The following NTM variants were observed in gnomAD, a reference collection of about 807,000 sequenced individuals.
NTM encodes the protein neurotrimin, also known as IgLON family member 2.
Under a neutral mutation model 42.1 loss-of-function variants are expected in NTM, and 13 were observed. That is an observed-to-expected ratio of 0.31 (90% CI 0.20 to 0.49). The LOEUF (loss-of-function observed/expected upper bound fraction) is 0.49. Ranked by LOEUF, NTM falls within the 20% of genes least tolerant of loss-of-function variation. The probability of loss-of-function intolerance (pLI) is 0.99; values close to 1 mark genes in which losing one functional copy is unlikely to be tolerated. For synonymous variants in NTM, 187 were observed against 179.2 expected, an observed-to-expected ratio of 1.04 and a Z score of -0.35; for missense variants, 373 against 452.8, an observed-to-expected ratio of 0.82 and a Z score of 1.60.
intron 3 of NTM, among the ~76,000 whole-genome samples, chr11:132,202,520 A>G (rs1566459213): frequency 1.3e-5 from 2 of 152,192 alleles, no homozygotes; most frequent in Non-Finnish European, 1.5e-5. Flanking sequence ...GGTCCACATC[A>G]TGATCACTGA....
At chr11:131,394,438 G>T (rs943785955) in intron 1 of NTM, among the ~76,000 whole-genome samples, 1 of 152,150 alleles carries the variant, frequency 6.6e-6, no homozygotes, top group African/African-American at 2.4e-5. Flanking sequence ...AAGTCAGAGC[G>T]AGAAGGAGAG....
intron 3 of NTM, among the ~76,000 whole-genome samples, chr11:132,188,942 A>G (rs1360296852): frequency 6.6e-6 from 1 of 152,158 alleles, no homozygotes; most frequent in Admixed American, 6.5e-5. Flanking sequence ...ACATGAGTTT[A>G]TATCTGGAGT....
chr11:131,743,438 G>A (rs1211793750), intron 1 of NTM, among the ~76,000 whole-genome samples: 1 of 152,046 alleles, frequency 6.6e-6, no homozygotes, highest in East Asian at 1.9e-4. Flanking sequence ...GTTTCTGCAA[G>A]AATTATGAAA....
chr11:132,253,224 G>A (rs540649627), intron 4 of NTM, among the ~76,000 whole-genome samples: 1 of 152,228 alleles, frequency 6.6e-6, no homozygotes, highest in African/African-American at 2.4e-5. Context: ...TTTATTGAGG[G>A]CCTGTTAATC....
chr11:132,278,743 T>TTCTCTCTCTCTCTCTCTCTCTC (rs66748602), intron 4 of NTM, among the ~76,000 whole-genome samples: 9 of 138,074 alleles, frequency 6.5e-5, no homozygotes, highest in East Asian at 2.4e-4. Context: ...TCATTTGGGC[T>TTCTCTCTCTCTCTCTCTCTCTC]TCTCTCTCTC....
intron 1 of NTM, among the ~76,000 whole-genome samples, chr11:131,901,346 T>C (rs866372511): frequency 6.6e-6 from 1 of 152,242 alleles, no homozygotes; most frequent in African/African-American, 2.4e-5. Flanking sequence ...CTTACATGCA[T>C]ACTTTATTTT....
At chr11:131,412,997 C>A (rs1202216369) in intron 1 of NTM, among the ~76,000 whole-genome samples, 1 of 152,124 alleles carries the variant, frequency 6.6e-6, no homozygotes, top group Non-Finnish European at 1.5e-5. Flanking sequence ...ACCTTTAAGA[C>A]CCAGCAAGAC....
intron 1 of NTM, among the ~76,000 whole-genome samples, chr11:131,702,121 A>G (rs1311342390): frequency 2.6e-5 from 4 of 151,960 alleles, no homozygotes; most frequent in Admixed American, 2.6e-4. Flanking sequence ...TCTCTACTCA[A>G]CTTGGACATT....
intron 2 of NTM, among the ~76,000 whole-genome samples, chr11:132,141,265 C>G (rs372975135): frequency 1.1e-4 from 16 of 151,898 alleles, no homozygotes; most frequent in East Asian, 3.9e-4. Context: ...CTCTCTCCCC[C>G]CTACCCCTCT....
In NTM at chr11:131,442,178, T is replaced by C. The variant is rs563437755; in HGVS notation, c.82+71290T>C. Among the ~76,000 whole-genome samples the C allele has an allele frequency of 2.0e-5, 3 of 152,302 alleles. No individual in the cohort carries two copies. In the East Asian group the frequency reaches 5.8e-4, roughly 29 times the overall value. ...GTGCAGAAGCGGAGATGATGACATG[T>C]GGCATGGGAACCCGTGATTGTGGCA... On this transcript the variant is annotated intron_variant, in intron 1 of 8. Transcript: ENST00000683400.
intron 2 of NTM, among the ~76,000 whole-genome samples, chr11:131,936,867 A>C (rs2059279179): frequency 6.6e-6 from 1 of 152,186 alleles, no homozygotes; most frequent in Non-Finnish European, 1.5e-5. Flanking sequence ...TGTGCATCTC[A>C]TAACAACTCT....
At chr11:131,789,182 G>T (rs1002995547) in intron 1 of NTM, among the ~76,000 whole-genome samples, 7 of 151,686 alleles carry the variant, frequency 4.6e-5, no homozygotes, top group African/African-American at 7.3e-5. Context: ...CTGTGTTGCC[G>T]ATGATTCTAT....
chr11:131,389,896 G>C (rs984287970), intron 1 of NTM, among the ~76,000 whole-genome samples: 1 of 152,122 alleles, frequency 6.6e-6, no homozygotes, highest in Non-Finnish European at 1.5e-5. Context: ...AGGGAAGCCC[G>C]GGGAAAGGAG....
At chr11:132,264,281 T>C (rs546861509) in intron 4 of NTM, among the ~76,000 whole-genome samples, 1 of 152,362 alleles carries the variant, frequency 6.6e-6, no homozygotes, top group South Asian at 2.1e-4. Context: ...TTCATATATT[T>C]ATTGGATATT....
intron 3 of NTM, among the ~76,000 whole-genome samples, chr11:132,171,440 C>A (rs916546062): frequency 6.6e-6 from 1 of 152,154 alleles, no homozygotes; most frequent in Non-Finnish European, 1.5e-5. Context: ...ATGACGACAC[C>A]TTTTTGTTGT....
intron 6 of NTM, 38 bp from the exon 7 acceptor site, chr11:132,314,514 A>C: frequency 6.3e-7 from 1 of 1,587,308 alleles, no homozygotes; most frequent in East Asian, 2.2e-5. Context: ...ACACATAACC[A>C]TCTTGTTTTC....
At chr11:131,506,209 G>A (rs190681458) in intron 1 of NTM, among the ~76,000 whole-genome samples, 5 of 152,250 alleles carry the variant, frequency 3.3e-5, no homozygotes, top group African/African-American at 9.6e-5. Context: ...GCCTATTTGT[G>A]GAACTCCAGG....
intron 8 of NTM, among the ~76,000 whole-genome samples, chr11:132,331,684 CA>C (rs1422224032): frequency 2.6e-5 from 4 of 152,018 alleles, no homozygotes; most frequent in Admixed American, 2.6e-4. Flanking sequence ...ATAAGTTAGG[CA>C]AAGAGAATTA....
At chr11:131,694,392 A>T (rs541321958) in intron 1 of NTM, among the ~76,000 whole-genome samples, 3 of 152,302 alleles carry the variant, frequency 2.0e-5, no homozygotes, top group African/African-American at 7.2e-5. Context: ...GTGATTTTTT[A>T]AAATGCAAAC....
Sources: gnomAD v4.1 joint callset for allele counts (sites outside exome capture counted in the v4.1 genomes callset) on GRCh38, gnomAD v4.1.1 for gene constraint, MANE v1.5 for transcripts, NCBI Gene and HGNC (gene_info 2026-07-23, HGNC 2026-07-21) for gene names.